CDK15: variants seen among roughly 807,000 people sequenced by gnomAD.
CDK15 encodes the protein cyclin-dependent kinase 15.
A neutral mutation model predicts 60.3 loss-of-function variants in CDK15; 62 were observed. That is an observed-to-expected ratio of 1.03 (90% CI 0.84 to 1.27). The LOEUF is 1.27. Ranked by LOEUF, CDK15 falls within the 50% of genes most tolerant of loss-of-function variation. The probability of loss-of-function intolerance (pLI) is 0.00; values close to 1 mark genes in which losing one functional copy is unlikely to be tolerated. For synonymous variants in CDK15, 194 were observed against 195.7 expected (o/e 0.99, Z 0.07); for missense variants, 541 against 527.8 (o/e 1.03, Z -0.25).
chr2:201,849,602 C>G (rs773791194), intron 9 of CDK15, among the ~76,000 whole-genome samples: 2 of 151,830 alleles, frequency 1.3e-5, no homozygotes, highest in African/African-American at 2.4e-5. Flanking sequence ...AAGTGTTGTT[C>G]AGTCTAGGTA....
rs1290343075 is a variant in CDK15, at chr2:201,894,772, T to TATC, written c.*1506_*1508dup. 6.6e-6 allele frequency: 1 copy of TATC among 152,166 alleles called. No homozygotes were observed. Among genetic ancestry groups the TATC allele is most frequent in the East Asian group, 1.9e-4 (1 of 5,194 alleles). 9.4% of individuals were successfully genotyped at this position (152,166 alleles called of 1,614,324 possible). On this transcript the variant is annotated 3_prime_UTR_variant, in exon 14 of 14. Coordinates refer to ENST00000652192, the MANE Select transcript of CDK15 (RefSeq NM_001366386.2). Reference sequence around the variant, plus strand: ...CTGGTTCTCCAATGTTCCTGACACCTATCGAATTTAGAGAATACACAACTC... The same window carrying TATC: ...CTGGTTCTCCAATGTTCCTGACACCTATCATCGAATTTAGAGAATACACAACTC...
chr2:201,814,823 G>T (rs1442546093), intron 4 of CDK15, among the ~76,000 whole-genome samples: 1 of 152,114 alleles, frequency 6.6e-6, no homozygotes, highest in Non-Finnish European at 1.5e-5. Context: ...TACATATATG[G>T]TCTCTTTCTA....
At chr2:201,880,237 T>A (rs1434017487) in intron 12 of CDK15, 70 bp downstream of exon 12, 1 of 1,553,632 alleles carries the variant, frequency 6.4e-7, no homozygotes, top group Non-Finnish European at 8.7e-7. Flanking sequence ...AGTCTTGGTG[T>A]CTTAAGTAGT....
At chr2:201,863,966 T>C (rs1336391682) in intron 10 of CDK15, among the ~76,000 whole-genome samples, 1 of 152,202 alleles carries the variant, frequency 6.6e-6, no homozygotes, top group East Asian at 1.9e-4. Context: ...TCACCTGAGT[T>C]ACTTTAACGT....
At chr2:201,886,295 A>G (rs1158905421) in intron 12 of CDK15, among the ~76,000 whole-genome samples, 2 of 151,822 alleles carry the variant, frequency 1.3e-5, no homozygotes, top group Non-Finnish European at 2.9e-5. Flanking sequence ...CTTTTCTTGT[A>G]ATAATATATG....
chr2:201,835,945 T>G (rs1696996641), intron 8 of CDK15, among the ~76,000 whole-genome samples, 182 bp downstream of exon 8: 1 of 114,480 alleles, frequency 8.7e-6, no homozygotes, highest in African/African-American at 3.1e-5. Context: ...TATTTATATA[T>G]TTATATATAT....
At chr2:201,818,485 T>C (rs1574853375) in intron 4 of CDK15, among the ~76,000 whole-genome samples, 3 of 152,232 alleles carry the variant, frequency 2.0e-5, no homozygotes, top group Admixed American at 1.3e-4. Context: ...AGGACAGATA[T>C]CACATCCTGC....
At chr2:201,821,664 G>A (rs568337963) in intron 4 of CDK15, among the ~76,000 whole-genome samples, 2 of 152,060 alleles carry the variant, frequency 1.3e-5, no homozygotes, top group East Asian at 1.9e-4. Flanking sequence ...TTGCCCTGAG[G>A]TGAGCCTCAT....
chr2:201,855,676 C>T (rs1022824384), intron 10 of CDK15, among the ~76,000 whole-genome samples: 1 of 152,144 alleles, frequency 6.6e-6, no homozygotes, highest in African/African-American at 2.4e-5. Context: ...CAAAGCTGAG[C>T]TCTCACTGGC....
chr2:201,876,826 C>G (rs184822765), intron 11 of CDK15, among the ~76,000 whole-genome samples: 45 of 152,224 alleles, frequency 3.0e-4, no homozygotes, highest in Middle Eastern at 3.4e-3. Context: ...GAGACAGGGT[C>G]TAGTTCTGTC....
At chr2:201,832,653 G>A (rs976782822) in intron 6 of CDK15, among the ~76,000 whole-genome samples, 1 of 152,226 alleles carries the variant, frequency 6.6e-6, no homozygotes, top group South Asian at 2.1e-4. Context: ...ACCTGATGTG[G>A]TAGCTACATG....
chr2:201,840,230 CT>C (rs1359835562), intron 8 of CDK15, among the ~76,000 whole-genome samples: 1 of 152,150 alleles, frequency 6.6e-6, no homozygotes, highest in Non-Finnish European at 1.5e-5. Context: ...GGTGATCAGC[CT>C]CCCAAAGTGT....
intron 12 of CDK15, among the ~76,000 whole-genome samples, chr2:201,887,563 A>G (rs1037355784): frequency 3.9e-5 from 6 of 152,214 alleles, no homozygotes; most frequent in Non-Finnish European, 7.3e-5. Context: ...CTCCATCTGC[A>G]TGATGGGTTA....
At chr2:201,879,631 C>A (rs1386226320) in intron 11 of CDK15, among the ~76,000 whole-genome samples, 3 of 152,210 alleles carry the variant, frequency 2.0e-5, no homozygotes, top group African/African-American at 4.8e-5. Context: ...CTGCCTACCT[C>A]AGCCTCTCAG....
chr2:201,872,735 A>G (rs1180471369), intron 11 of CDK15, among the ~76,000 whole-genome samples: 1 of 152,114 alleles, frequency 6.6e-6, no homozygotes, highest in Non-Finnish European at 1.5e-5. Context: ...CTCGGCTCAG[A>G]CCAGGGCAGA....
At chr2:201,828,336 C>T (rs1029310138) in intron 6 of CDK15, among the ~76,000 whole-genome samples, 2 of 151,152 alleles carry the variant, frequency 1.3e-5, no homozygotes, top group Non-Finnish European at 2.9e-5. Context: ...AGCAAATACA[C>T]AAAGAGAGGA....
intron 10 of CDK15, among the ~76,000 whole-genome samples, chr2:201,859,476 T>G (rs557455459): frequency 6.6e-6 from 1 of 152,212 alleles, no homozygotes; most frequent in African/African-American, 2.4e-5. Context: ...ACAGTGTAGG[T>G]TTCACCATCA....
intron 9 of CDK15, 37 bp from the exon 10 acceptor site, chr2:201,854,837 A>C: frequency 6.3e-7 from 1 of 1,593,242 alleles, no homozygotes. Context: ...TCATCTCCCC[A>C]CCTCACCTTT....
intron 11 of CDK15, among the ~76,000 whole-genome samples, chr2:201,877,644 A>G (rs1306590249): frequency 6.6e-6 from 1 of 152,144 alleles, no homozygotes; most frequent in Non-Finnish European, 1.5e-5. Context: ...CATGGGCCCT[A>G]AAAAACCTCT....
Sources: gnomAD v4.1 joint callset for allele counts (sites outside exome capture counted in the v4.1 genomes callset) on GRCh38, gnomAD v4.1.1 for gene constraint, MANE v1.5 for transcripts, NCBI Gene and HGNC (gene_info 2026-07-23, HGNC 2026-07-21) for gene names.